IMMP2L: variants seen among roughly 807,000 people sequenced by gnomAD.
IMMP2L encodes inner mitochondrial membrane peptidase subunit 2, also known as mitochondrial inner membrane protease subunit 2.
In IMMP2L, 18 loss-of-function variants were observed where a neutral mutation model predicts 19.3. The observed-to-expected ratio is 0.93, with a 90% CI of 0.64 to 1.38. IMMP2L has a LOEUF of 1.38. IMMP2L is among the 40% of genes most tolerant of loss of function. The pLI, the probability that IMMP2L is intolerant of heterozygous loss-of-function variation, is 0.00. For synonymous variants in IMMP2L, 76 were observed against 73.0 expected, an observed-to-expected ratio of 1.04 and a Z score of -0.21; for missense variants, 233 against 218.2, an observed-to-expected ratio of 1.07 and a Z score of -0.43.
At chr7:111,420,385 G>C (rs1255882248) in intron 3 of IMMP2L, among the ~76,000 whole-genome samples, 2 of 151,670 alleles carry the variant, frequency 1.3e-5, no homozygotes, top group Non-Finnish European at 2.9e-5. Flanking sequence ...AAAACTATCT[G>C]TACAATAAAG....
intron 3 of IMMP2L, among the ~76,000 whole-genome samples, chr7:110,987,656 C>T (rs1337917320): frequency 6.6e-6 from 1 of 152,156 alleles, no homozygotes; most frequent in Admixed American, 6.6e-5. Flanking sequence ...ATGTTTCTCA[C>T]AGCCTTTCAT....
intron 5 of IMMP2L, among the ~76,000 whole-genome samples, chr7:110,860,847 T>C (rs548980489): frequency 1.3e-5 from 2 of 152,234 alleles, no homozygotes; most frequent in Admixed American, 6.5e-5. Flanking sequence ...TAAATTTCCT[T>C]CTTTTAAAAA....
chr7:111,422,747 A>G (rs182452503), intron 3 of IMMP2L, among the ~76,000 whole-genome samples: 3 of 151,876 alleles, frequency 2.0e-5, no homozygotes, highest in Middle Eastern at 3.4e-3. Context: ...AGAACTTCCA[A>G]CACTACGTTG....
chr7:110,669,052 C>T (rs1404925), intron 5 of IMMP2L, among the ~76,000 whole-genome samples: 2,304 of 64,930 alleles, frequency 0.035, 133 homozygotes, highest in African/African-American at 0.083. Context: ...TGTGTGTGTG[C>T]GTGTGTGTGT....
chr7:111,376,298 T>C (rs1371776072), intron 3 of IMMP2L, among the ~76,000 whole-genome samples: 1 of 152,038 alleles, frequency 6.6e-6, no homozygotes, highest in Non-Finnish European at 1.5e-5. Flanking sequence ...AATAAACACA[T>C]AAAAAGATGT....
At chr7:110,729,386 C>A (rs1024627919) in intron 5 of IMMP2L, among the ~76,000 whole-genome samples, 1 of 152,136 alleles carries the variant, frequency 6.6e-6, no homozygotes, top group Non-Finnish European at 1.5e-5. Flanking sequence ...CTGCCAAACA[C>A]TTTTTAAAAC....
At chr7:111,157,053 T>C (rs1223800754) in intron 3 of IMMP2L, among the ~76,000 whole-genome samples, 1 of 152,054 alleles carries the variant, frequency 6.6e-6, no homozygotes, top group Admixed American at 6.6e-5. Context: ...CAAATGGCTT[T>C]CATATAAAAC....
intron 3 of IMMP2L, among the ~76,000 whole-genome samples, chr7:111,043,909 T>A (rs1792131720): frequency 6.6e-6 from 1 of 152,212 alleles, no homozygotes; most frequent in Non-Finnish European, 1.5e-5. Context: ...TTGTCAGCTC[T>A]TTTGTCAGTA....
At chr7:110,878,009 T>C (rs1398747899) in intron 5 of IMMP2L, among the ~76,000 whole-genome samples, 1 of 152,130 alleles carries the variant, frequency 6.6e-6, no homozygotes, top group African/African-American at 2.4e-5. Context: ...GCACTTAGCT[T>C]AGAAGTGCCT....
intron 3 of IMMP2L, among the ~76,000 whole-genome samples, chr7:111,298,907 T>A (rs1742938844): frequency 6.6e-6 from 1 of 152,004 alleles, no homozygotes; most frequent in African/African-American, 2.4e-5. Flanking sequence ...GAAAGAAAAG[T>A]AATAAACTAA....
chr7:111,232,316 G>A lies in IMMP2L; in HGVS notation c.239+254922C>T, dbSNP rs571420546. ...GAATTCACAAACACCAATAAAAATA[G>A]CCCACAAATCACACAGACATTAATA... On this transcript the variant is annotated intron_variant, in intron 3 of 5. Coordinates refer to ENST00000405709, the MANE Select transcript of IMMP2L (RefSeq NM_032549.4). Among the ~76,000 whole-genome samples the A allele has an allele frequency of 2.7e-5, 4 of 150,040 alleles. No individual in the cohort carries two copies. The East Asian group carries it at 7.8e-4, about 29-fold the overall frequency.
At chr7:111,081,885 G>A (rs779911125) in intron 3 of IMMP2L, among the ~76,000 whole-genome samples, 4 of 152,132 alleles carry the variant, frequency 2.6e-5, no homozygotes, top group Non-Finnish European at 4.4e-5. Context: ...TGAAAGTCCC[G>A]CAAACCCTAC....
At chr7:110,849,615 C>T (rs986514135) in intron 5 of IMMP2L, among the ~76,000 whole-genome samples, 14 of 151,944 alleles carry the variant, frequency 9.2e-5, no homozygotes, top group African/African-American at 2.9e-4. Context: ...ATGTTTATCA[C>T]GTATCAAATT....
chr7:111,185,341 A>C (rs1253378936), intron 3 of IMMP2L, among the ~76,000 whole-genome samples: 2 of 152,164 alleles, frequency 1.3e-5, no homozygotes, highest in East Asian at 3.8e-4. Flanking sequence ...GACACCATTA[A>C]TACATAAAAG....
intron 5 of IMMP2L, among the ~76,000 whole-genome samples, chr7:110,713,176 C>A (rs1012758861): frequency 6.6e-6 from 1 of 152,124 alleles, no homozygotes; most frequent in African/African-American, 2.4e-5. Context: ...GTCCTTTCCC[C>A]ATTGCTTATT....
intron 5 of IMMP2L, among the ~76,000 whole-genome samples, chr7:110,730,049 G>C (rs1433905033): frequency 1.3e-5 from 2 of 151,902 alleles, no homozygotes; most frequent in Non-Finnish European, 2.9e-5. Flanking sequence ...ATTTCAAAAA[G>C]ATTAAACATG....
chr7:111,251,137 CAT>C (rs1324531772), intron 3 of IMMP2L, among the ~76,000 whole-genome samples: 2 of 152,074 alleles, frequency 1.3e-5, no homozygotes, highest in African/African-American at 4.8e-5. Context: ...AGCCAGTAAA[CAT>C]ATGAAAAAAG....
At chr7:111,446,407 C>A (rs1013220206) in intron 3 of IMMP2L, among the ~76,000 whole-genome samples, 6 of 148,526 alleles carry the variant, frequency 4.0e-5, no homozygotes, top group Non-Finnish European at 8.9e-5. Context: ...CCCCTGACCC[C>A]CGAGCAGCCT....
rs1324417496 is a variant in IMMP2L at position 111,123,156 on chromosome 7, T to C, written c.240-159591A>G. Reference sequence around the variant, plus strand: ...CTGTGTACCTAGAGGAAAACAAACTTACTGAACTGCCTGAAAAATGTCTGT... The same window carrying C: ...CTGTGTACCTAGAGGAAAACAAACTCACTGAACTGCCTGAAAAATGTCTGT... On this transcript the variant is annotated intron_variant, in intron 3 of 5. Transcript: ENST00000405709. This position sits in a 1 kb window ranked among gnomAD's most constrained non-coding sequence, Gnocchi z 6.4. 1.9e-6 allele frequency: 3 copies of C among 1,613,944 alleles called. No individual in the cohort carries two copies. The highest frequency in any genetic ancestry group is 1.7e-6 in the Non-Finnish European group (2 of 1,179,964).
Sources: gnomAD v4.1 joint callset for allele counts (sites outside exome capture counted in the v4.1 genomes callset) on GRCh38, gnomAD v4.1.1 for gene constraint, Gnocchi (gnomAD v3.1) non-coding constraint, MANE v1.5 for transcripts, NCBI Gene and HGNC (gene_info 2026-07-23, HGNC 2026-07-21) for gene names.